DSC2: variants seen among roughly 807,000 people sequenced by gnomAD.
The protein encoded by DSC2 is desmocollin 2.
In DSC2, 51 loss-of-function variants were observed where a neutral mutation model predicts 87.6. The ratio of observed to expected loss-of-function variants is 0.58; its 90% CI spans 0.46 to 0.74. The LOEUF (loss-of-function observed/expected upper bound fraction) is 0.74. Ranked by LOEUF, DSC2 falls within the 30% of genes least tolerant of loss-of-function variation. The probability of loss-of-function intolerance (pLI) is 0.00; values close to 1 mark genes in which losing one functional copy is unlikely to be tolerated. For missense variants in DSC2, 1,066 were observed against 1,089.5 expected (o/e 0.98, Z 0.30); for synonymous variants, 383 against 393.2 (o/e 0.97, Z 0.31).
chr18:31,073,434 C>A (rs1986900268), intron 12 of DSC2, among the ~76,000 whole-genome samples: 1 of 151,494 alleles, frequency 6.6e-6, no homozygotes, highest in Non-Finnish European at 1.5e-5. Flanking sequence ...GTTTAGAAAG[C>A]TGAAAATCTT....
intron 11 of DSC2, among the ~76,000 whole-genome samples, chr18:31,075,112 A>G (rs1280298513): frequency 2.0e-5 from 3 of 152,216 alleles, no homozygotes; most frequent in Non-Finnish European, 4.4e-5. Context: ...ACTGCTATTA[A>G]GATGTGTTTA....
Position 31,080,907 on chromosome 18 carries a change from C to T in DSC2, c.1264-555G>A, listed in dbSNP as rs4355007. 1.9e-3 allele frequency among the ~76,000 whole-genome samples: 285 copies of T among 152,006 alleles called. 1 individual carries two copies. Among genetic ancestry groups the T allele is most frequent in the Middle Eastern group, 6.8e-3 (2 of 294 alleles). On this transcript the variant is annotated intron_variant, in intron 9 of 15. Transcript: ENST00000280904. Reference sequence around the variant, plus strand: ...GTGGTGGTGGAGACAGAGGAGTTCTCCCACTGATTCAGTACTTGGGTAAAG... The same window carrying T: ...GTGGTGGTGGAGACAGAGGAGTTCTTCCACTGATTCAGTACTTGGGTAAAG...
intron 1 of DSC2, among the ~76,000 whole-genome samples, chr18:31,100,517 T>C (rs370386827): frequency 2.0e-5 from 3 of 152,250 alleles, no homozygotes; most frequent in East Asian, 3.9e-4. Flanking sequence ...TGTAAAATGT[T>C]AACTGCTGTG....
chr18:31,075,375 A>C (rs1239129988), intron 11 of DSC2, among the ~76,000 whole-genome samples: 2 of 152,330 alleles, frequency 1.3e-5, no homozygotes, highest in South Asian at 2.1e-4. Flanking sequence ...TTGGATAAAT[A>C]GGTAGCACTT....
chr18:31,070,646 G>A (rs1986790929), intron 14 of DSC2, 80 bp downstream of exon 14: 2 of 1,591,394 alleles, frequency 1.3e-6, no homozygotes, highest in East Asian at 4.5e-5. Context: ...GAACTTTTCT[G>A]AGAAAAGATC....
At position 31,066,929 on chromosome 18, in the gene DSC2, A is replaced by G. The variant is rs1986638897; in HGVS notation, c.*1086T>C. The G allele has an allele frequency of 6.6e-6, 1 of 152,110 alleles. No individual in the cohort carries two copies. Among genetic ancestry groups the G allele is most frequent in the Non-Finnish European group, 1.5e-5 (1 of 67,966 alleles). 9.4% of individuals were successfully genotyped at this position (152,110 alleles called of 1,614,324 possible). A position where few individuals can be genotyped will look rare whatever the true frequency, so the allele number is the denominator to read the frequency against. On this transcript the variant is annotated 3_prime_UTR_variant, in exon 16 of 16. Coordinates refer to ENST00000280904, the MANE Select transcript of DSC2 (RefSeq NM_024422.6). ...CTGCATCCTTGCATTACAGAACTGTAAATGTGTTGTCATACAGTAAATATC... is the reference window on the plus strand; with the variant it reads ...CTGCATCCTTGCATTACAGAACTGTGAATGTGTTGTCATACAGTAAATATC...
At position 31,074,851 on chromosome 18, in the gene DSC2, T is replaced by A; in HGVS notation, c.1720A>T (p.Ser574Cys). 1 of 1,614,008 alleles carries A rather than the reference T, an allele frequency of 6.2e-7. No individual in the cohort carries two copies. The highest frequency in any genetic ancestry group is 8.5e-7 in the Non-Finnish European group (1 of 1,179,968). The change falls in exon 12 of 16, where the codon AGC (serine) becomes TGC (cysteine). Residue 574 changes from serine (S) to cysteine (C), a missense_variant. Transcript: ENST00000280904. Reference sequence around the variant, plus strand: ...ACTGTCTTTTTAGGTATGAATGGGCTGTTATCATTCACGTCTTGAAGTATA... The same window carrying A: ...ACTGTCTTTTTAGGTATGAATGGGCAGTTATCATTCACGTCTTGAAGTATA... ...GIILQDVNDN[S>C]PFIPKKTVII...
chr18:31,067,814 T>A lies in DSC2; in HGVS notation c.*201A>T, dbSNP rs1417013962. 1.4e-5 allele frequency: 8 copies of A among 570,570 alleles called. No homozygotes were observed. Among genetic ancestry groups the A allele is most frequent in the Non-Finnish European group, 2.5e-5 (8 of 323,876 alleles). 35.3% of individuals were successfully genotyped at this position (570,570 alleles called of 1,614,324 possible). Reference sequence around the variant, plus strand: ...CTCCTTGGATAGAAGATAAGTAATTTAAAAATATGTAAAAATTGAAAAATT... The same window carrying A: ...CTCCTTGGATAGAAGATAAGTAATTAAAAAATATGTAAAAATTGAAAAATT... On this transcript the variant is annotated 3_prime_UTR_variant, in exon 16 of 16. Transcript: ENST00000280904.
chr18:31,069,607 C>A (rs1207934326), intron 14 of DSC2, among the ~76,000 whole-genome samples: 1 of 151,136 alleles, frequency 6.6e-6, no homozygotes, highest in African/African-American at 2.4e-5. Flanking sequence ...CCCAGCTACT[C>A]GGGAGGCTAA....
intron 7 of DSC2, among the ~76,000 whole-genome samples, chr18:31,083,583 C>A (rs554523995): frequency 2.0e-5 from 3 of 152,218 alleles, no homozygotes; most frequent in East Asian, 3.9e-4. Context: ...TTAAAATAGT[C>A]TTTTAACAAA....
chr18:31,074,996 A>C, intron 11 of DSC2, 89 bp from the exon 12 acceptor site: 2 of 1,330,712 alleles, frequency 1.5e-6, no homozygotes, highest in Non-Finnish European at 2.1e-6. Flanking sequence ...ATATTTATTA[A>C]GCACCTATAA....
chr18:31,083,112 T>C (rs751526939), intron 7 of DSC2, 52 bp from the exon 8 acceptor site: 5 of 1,583,444 alleles, frequency 3.2e-6, no homozygotes, highest in East Asian at 2.3e-5. Context: ...AACATTATAA[T>C]TGAAATCTTA....
At chr18:31,082,217 A>G (rs767135652) in intron 9 of DSC2, 21 bp downstream of exon 9, 3 of 1,596,412 alleles carry the variant, frequency 1.9e-6, no homozygotes, top group African/African-American at 2.7e-5. Context: ...AACTACAAAT[A>G]ATGTTCTAAT....
chr18:31,074,838 G>A lies in DSC2; in HGVS notation c.1733C>T (p.Pro578Leu), dbSNP rs1986960859. 5 of 1,613,760 alleles carry A rather than the reference G, an allele frequency of 3.1e-6. No homozygotes were observed. The highest frequency in any genetic ancestry group is 1.7e-5 in the Admixed American group (1 of 59,964). The change falls in exon 12 of 16, where the codon CCT (proline) becomes CTT (leucine). Residue 578 changes from proline (P) to leucine (L), a missense_variant. Physicochemically the swap from Pro to Leu is moderately conservative, Grantham distance 98 (BLOSUM62 -3). Coordinates refer to ENST00000280904, the MANE Select transcript of DSC2 (RefSeq NM_024422.6). ...QDVNDNSPFI[P>L]KKTVIICKPT... ...TTTGCAGATGATCACTGTCTTTTTA[G>A]GTATGAATGGGCTGTTATCATTCAC...
chr18:31,093,621 G>T lies in DSC2; in HGVS notation c.92C>A (p.Ala31Asp). Residue 31 changes from alanine to aspartate, a missense_variant, in exon 2 of 16, where the codon GCC (alanine) becomes GAC (aspartate). Coordinates refer to ENST00000280904, the MANE Select transcript of DSC2 (RefSeq NM_024422.6). Reference sequence around the variant, plus strand: ...AACATGTAATGTCACATTTTTGCAGGCATCACTGGCAAATATTAAGATCTA... The same window carrying T: ...AACATGTAATGTCACATTTTTGCAGTCATCACTGGCAAATATTAAGATCTA... ...TLAILIFASD[A>D]CKNVTLHVPS... 1 of 1,591,768 alleles carries T rather than the reference G, an allele frequency of 6.3e-7. No individual in the cohort carries two copies. Among genetic ancestry groups the T allele is most frequent in the South Asian group, 1.1e-5 (1 of 89,184 alleles).
rs1233546925 is a variant in DSC2, at chr18:31,087,811, T to G, written c.633A>C (p.Ile211=). 1 of 1,613,656 alleles carries G rather than the reference T, an allele frequency of 6.2e-7. No homozygotes were observed. Among genetic ancestry groups the G allele is most frequent in the Admixed American group, 1.7e-5 (1 of 60,020 alleles). Residue 211 remains isoleucine, a splice_region_variant and synonymous_variant, in exon 6 of 16, where the codon ATA becomes ATC. Transcript: ENST00000280904. ...VDREQYESFE[I]IAFATTPDGY... ...CATCTGGAGTTGTTGCAAAGGCAAT[T>G]ATCTGTGAAGAGAGTAAAATAAGGA...
chr18:31,081,403 G>A (rs879035049), intron 9 of DSC2, among the ~76,000 whole-genome samples: 1 of 152,044 alleles, frequency 6.6e-6, no homozygotes. Context: ...TTCAGGTCTT[G>A]GACTTCACAC....
intron 1 of DSC2, among the ~76,000 whole-genome samples, chr18:31,097,211 C>T (rs893118711): frequency 1.4e-4 from 21 of 151,316 alleles, no homozygotes; most frequent in Non-Finnish European, 5.9e-5. Flanking sequence ...TGGTGTGAAC[C>T]CGAGAGGCAG....
At position 31,060,019 on chromosome 18, in the gene DSC2, G is replaced by T. The variant is rs966314789; in HGVS notation, c.*7996C>A. ...CCCAAGGTAACACAGCAAGAACAAA[G>T]CTGAGATTTGGATCCACGTCTTTCT... On this transcript the variant is annotated 3_prime_UTR_variant, in exon 16 of 16. Transcript: ENST00000280904. 6.6e-6 allele frequency: 1 copy of T among 152,106 alleles called. No individual in the cohort carries two copies. Among genetic ancestry groups the T allele is most frequent in the Admixed American group, 6.6e-5 (1 of 15,260 alleles). The allele number at this position is 152,106 out of a possible 1,614,324, so 9.4% of individuals were successfully genotyped here. A position where few individuals can be genotyped will look rare whatever the true frequency, so the allele number is the denominator to read the frequency against.
Sources: gnomAD v4.1 joint callset for allele counts (sites outside exome capture counted in the v4.1 genomes callset) on GRCh38, gnomAD v4.1.1 for gene constraint, MANE v1.5 for transcripts, NCBI Gene and HGNC (gene_info 2026-07-23, HGNC 2026-07-21) for gene names.